Variants in GMPR2 observed in about 807,000 individuals in gnomAD.
The protein encoded by GMPR2 is guanosine monophosphate reductase 2, also known as GMP reductase 2.
A neutral mutation model predicts 38.5 loss-of-function variants in GMPR2; 32 were observed. The observed-to-expected ratio is 0.83, with a 90% confidence interval of 0.63 to 1.12. GMPR2 has a LOEUF of 1.12. GMPR2 is among the 50% of genes most tolerant of loss of function. GMPR2 has a pLI of 0.00. For synonymous variants in GMPR2, 154 were observed against 151.0 expected (o/e 1.02, Z -0.15); for missense variants, 396 against 432.1 (o/e 0.92, Z 0.74).
At chr14:24,233,972 A>G (rs2040210350) in intron 3 of GMPR2, 3 of 605,108 alleles carry the variant, frequency 5.0e-6, no homozygotes, top group African/African-American at 3.8e-5. Context: ...TAGTCCAGAA[A>G]CTACAGTTTA....
Position 24,237,677 on chromosome 14 carries a change from T to G in GMPR2, c.697+115T>G. 3 of 947,522 alleles carry G rather than the reference T, an allele frequency of 3.2e-6. No homozygotes were observed. The South Asian group carries it at 4.2e-5, about 13-fold the overall frequency. The allele number at this position is 947,522 out of a possible 1,614,324, so 58.7% of individuals were successfully genotyped here. A position where few individuals can be genotyped will look rare whatever the true frequency, so the allele number is the denominator to read the frequency against. Reference sequence around the variant, plus strand: ...AAGTCATTCAGATTCTTTCATAATATGAATTAGTGACTCCGAAGTCTATGG... The same window carrying G: ...AAGTCATTCAGATTCTTTCATAATAGGAATTAGTGACTCCGAAGTCTATGG... On this transcript the variant is annotated intron_variant, in intron 8 of 9. Transcript: ENST00000399440.
intron 8 of GMPR2, chr14:24,237,834 A>T: frequency 1.8e-6 from 1 of 540,826 alleles, no homozygotes; most frequent in Non-Finnish European, 3.3e-6. Flanking sequence ...GCTCTGAGGA[A>T]TGGGACAGCA....
chr14:24,235,821 G>C lies in GMPR2; in HGVS notation c.291+1G>C. ...TGGCCAGAATCCTGACTGTCTTGAG[G>C]TAACACTGGGCATACCCTGCTCCCT... On this transcript the variant is annotated splice_donor_variant, in intron 4 of 9. Transcript: ENST00000399440. LOFTEE classifies it high-confidence loss of function. The C allele has an allele frequency of 6.2e-7, 1 of 1,610,742 alleles. No homozygotes were observed. Among genetic ancestry groups the C allele is most frequent in the Non-Finnish European group, 8.5e-7 (1 of 1,176,912 alleles).
intron 3 of GMPR2, chr14:24,234,270 C>T (rs1240754247): frequency 7.8e-7 from 1 of 1,279,746 alleles, no homozygotes; most frequent in East Asian, 5.6e-5. Context: ...ACTTTGAGAA[C>T]ATATGCACTC....
intron 9 of GMPR2, 59 bp from the exon 10 acceptor site, chr14:24,238,530 A>G (rs2040460138): frequency 1.9e-6 from 3 of 1,614,056 alleles, no homozygotes; most frequent in African/African-American, 1.3e-5. Flanking sequence ...GTCTGTGGAA[A>G]AGTCCCTGGG....
intron 8 of GMPR2, chr14:24,237,853 T>G: frequency 2.0e-6 from 1 of 508,008 alleles, no homozygotes; most frequent in East Asian, 3.1e-5. Flanking sequence ...CACATCTGCA[T>G]TTTTCATTTT....
chr14:24,236,097 T>C lies in GMPR2; in HGVS notation c.422T>C (p.Phe141Ser). 1 of 1,614,168 alleles carries C rather than the reference T, an allele frequency of 6.2e-7. No individual in the cohort carries two copies. Among genetic ancestry groups the C allele is most frequent in the Non-Finnish European group, 8.5e-7 (1 of 1,179,982 alleles). The stretch of plus-strand genomic sequence containing the variant: ...GGCTACTCTGAACACTTTGTTGAAT[T>C]TGTAAAAGATGTACGGAAGCGCTTC... ...ANGYSEHFVEFVKDVRKRFPQ... is the reference protein window; with the variant it reads ...ANGYSEHFVESVKDVRKRFPQ... Residue 141 changes from phenylalanine to serine, a missense_variant, in exon 5 of 10, where the codon TTT becomes TCT. By Grantham distance (155) the Phe-to-Ser change is radical (BLOSUM62 -2). Coordinates refer to ENST00000399440, the MANE Select transcript of GMPR2 (RefSeq NM_001002002.3).
intron 5 of GMPR2, chr14:24,236,839 A>G (rs1450350784): frequency 4.1e-6 from 2 of 482,516 alleles, no homozygotes; most frequent in South Asian, 2.7e-5. Flanking sequence ...CCCTAGGTTC[A>G]GTGGTGACAT....
At chr14:24,234,160 T>A in intron 3 of GMPR2, 3 of 1,289,110 alleles carry the variant, frequency 2.3e-6, no homozygotes, top group Non-Finnish European at 3.0e-6. Flanking sequence ...GTGTTTTTCT[T>A]ATATACAAGT....
At position 24,237,188 on chromosome 14, in the gene GMPR2, T is replaced by C. The variant is rs537792689; in HGVS notation, c.547+36T>C. 191 of 1,536,372 alleles carry C rather than the reference T, an allele frequency of 1.2e-4. 3 individuals are homozygous for C. In the South Asian group the frequency reaches 2.0e-3, roughly 16 times the overall value. On this transcript the variant is annotated intron_variant, in intron 6 of 9. Coordinates refer to ENST00000399440, the MANE Select transcript of GMPR2 (RefSeq NM_001002002.3). ...TCATTGGGGCCACTGGCTACCCCCC[T>C]TCAGTGGCAAACACCTGTGGAGCAC... is the stretch of plus-strand genomic sequence containing the variant.
Position 24,238,421 on chromosome 14 carries a change from C to T in GMPR2, c.857+16C>T, listed in dbSNP as rs915560545. 1 of 1,613,788 alleles carries T rather than the reference C, an allele frequency of 6.2e-7. No individual in the cohort carries two copies. Among genetic ancestry groups the T allele is most frequent in the Non-Finnish European group, 8.5e-7 (1 of 1,179,970 alleles). On this transcript the variant is annotated intron_variant, in intron 9 of 9. Transcript: ENST00000399440. ...CTGAGTACAGGTATGTGTGGAGGCC[C>T]AGGAGCTTAGTAATAGTATGGAGGC...
Position 24,233,321 on chromosome 14 carries a change from C to T in GMPR2, c.68C>T (p.Thr23Ile). ...KDVLLRPKRS[T>I]LKSRSEVDLT... ...GTCCTTTTGAGGCCCAAACGCAGTACCCTTAAGTCTCGAAGTGAGGTGAGC... is the reference window on the plus strand; with the variant it reads ...GTCCTTTTGAGGCCCAAACGCAGTATCCTTAAGTCTCGAAGTGAGGTGAGC... Residue 23 changes from threonine (T) to isoleucine (I), a missense_variant, in exon 2 of 10, where the codon ACC (threonine) becomes ATC (isoleucine). Physicochemically the swap from Thr to Ile is moderately conservative, Grantham distance 89. Transcript: ENST00000399440. 5 of 1,614,118 alleles carry T rather than the reference C, an allele frequency of 3.1e-6. No individual in the cohort carries two copies. The highest frequency in any genetic ancestry group is 4.2e-6 in the Non-Finnish European group (5 of 1,180,004).
At chr14:24,233,024 C>G in intron 1 of GMPR2, 47 bp downstream of exon 1, 4 of 646,810 alleles carry the variant, frequency 6.2e-6, no homozygotes, top group Non-Finnish European at 8.1e-6. Flanking sequence ...TCCCAGCTCT[C>G]CTCCCCAACA....
At chr14:24,236,696 C>T (rs1472462155) in intron 5 of GMPR2, among the ~76,000 whole-genome samples, 1 of 152,236 alleles carries the variant, frequency 6.6e-6, no homozygotes, top group Non-Finnish European at 1.5e-5. Context: ...GCTAAATCTA[C>T]TGTAAATCAG....
At position 24,238,357 on chromosome 14, in the gene GMPR2, G is replaced by A. The variant is rs373423906; in HGVS notation, c.809G>A (p.Ser270Asn). The A allele has an allele frequency of 8.7e-6, 14 of 1,614,030 alleles. No homozygotes were observed. The African/African-American group carries it at 1.5e-4, about 17-fold the overall frequency. The change falls in exon 9 of 10, where the codon AGT (serine) becomes AAT (asparagine). Residue 270 changes from serine (S) to asparagine (N), a missense_variant. Ser to Asn is a conservative substitution (Grantham distance 46). Transcript: ENST00000399440. ...AAGTACAAGCTCTTCTATGGAATGAGTTCTGAAATGGCCATGAAGAAGTAT... is the reference window on the plus strand; with the variant it reads ...AAGTACAAGCTCTTCTATGGAATGAATTCTGAAATGGCCATGAAGAAGTAT... ...GKKYKLFYGM[S>N]SEMAMKKYAG...
chr14:24,237,825 CT>C lies in GMPR2; in HGVS notation c.697+264del. 5.5e-6 allele frequency: 3 copies of C among 548,958 alleles called. No individual in the cohort carries two copies. The East Asian group carries it at 8.8e-5, about 16-fold the overall frequency. 34.0% of individuals were successfully genotyped at this position (548,958 alleles called of 1,614,324 possible). A position where few individuals can be genotyped will look rare whatever the true frequency, so the allele number is the denominator to read the frequency against. ...AGCCCCAGCCATACCTAAAAATAGGCTCTGAGGAATGGGACAGCACATCTGC... is the reference window on the plus strand; with the variant it reads ...AGCCCCAGCCATACCTAAAAATAGGCCTGAGGAATGGGACAGCACATCTGC... On this transcript the variant is annotated intron_variant, in intron 8 of 9. Transcript: ENST00000399440.
intron 5 of GMPR2, among the ~76,000 whole-genome samples, 191 bp downstream of exon 5, chr14:24,236,331 T>C (rs1274311138): frequency 6.6e-6 from 1 of 152,136 alleles, no homozygotes; most frequent in Admixed American, 6.5e-5. Context: ...GACCCTTGGT[T>C]CATAGTCTTT....
Position 24,239,166 on chromosome 14 carries a change from C to G in GMPR2, c.*388C>G. 1 of 373,342 alleles carries G rather than the reference C, an allele frequency of 2.7e-6. No individual in the cohort carries two copies. Among genetic ancestry groups the G allele is most frequent in the Non-Finnish European group, 5.2e-6 (1 of 191,910 alleles). The allele number at this position is 373,342 out of a possible 1,614,324, so 23.1% of individuals were successfully genotyped here. Reference sequence around the variant, plus strand: ...GTTAATCCGCTTCACTAAATTGGACCTTCACATATCTAAAAAGCTCTGAAG... The same window carrying G: ...GTTAATCCGCTTCACTAAATTGGACGTTCACATATCTAAAAAGCTCTGAAG... On this transcript the variant is annotated 3_prime_UTR_variant, in exon 10 of 10. Transcript: ENST00000399440.
Position 24,238,309 on chromosome 14 carries a change from A to G in GMPR2, c.761A>G (p.Glu254Gly). 1.2e-6 allele frequency: 2 copies of G among 1,614,134 alleles called. No individual in the cohort carries two copies. The highest frequency in any genetic ancestry group is 1.7e-6 in the Non-Finnish European group (2 of 1,180,012). ...GCTGGGCACAGTGAGTCAGGTGGTG[A>G]GCTCATCGAGAGGGATGGCAAGAAG... ...MLAGHSESGG[E>G]LIERDGKKYK... is the part of the protein sequence containing the mutation. The change falls in exon 9 of 10, where the codon GAG becomes GGG. Residue 254 changes from glutamate to glycine, a missense_variant. By Grantham distance (98) the Glu-to-Gly change is moderately conservative. Transcript: ENST00000399440.
Sources: allele counts gnomAD v4.1 joint callset (sites outside exome capture counted in the v4.1 genomes callset), GRCh38; gene constraint gnomAD v4.1.1; transcripts MANE v1.5; gene names NCBI Gene and HGNC (gene_info 2026-07-23, HGNC 2026-07-21).